SMAD3: variants seen among roughly 807,000 people sequenced by gnomAD.
SMAD3 encodes SMAD family member 3.
SMAD3 carries 12 observed loss-of-function variants against 51.8 expected under a neutral mutation model. The observed-to-expected ratio is 0.23, with a 90% CI of 0.15 to 0.38. The LOEUF (loss-of-function observed/expected upper bound fraction) is 0.38. Among genes scored for constraint, SMAD3 ranks in the 10% least tolerant of loss-of-function variants. SMAD3 has a pLI of 1.00. For missense variants in SMAD3, 294 were observed against 565.6 expected (o/e 0.52, Z 4.87); for synonymous variants, 238 against 227.7 (o/e 1.05, Z -0.41).
intron 5 of SMAD3, among the ~76,000 whole-genome samples, chr15:67,175,496 C>T (rs1324686283): frequency 2.6e-5 from 4 of 152,210 alleles, no homozygotes; most frequent in African/African-American, 9.7e-5. Flanking sequence ...CTCCTGTTGA[C>T]ATAGTTCTCC....
At chr15:67,102,181 A>C (rs1392004317) in intron 1 of SMAD3, among the ~76,000 whole-genome samples, 3 of 151,936 alleles carry the variant, frequency 2.0e-5, no homozygotes, top group African/African-American at 7.3e-5. Context: ...TAATTGACCC[A>C]GTGAATCCTT....
chr15:67,178,400 C>G (rs1962964137), intron 5 of SMAD3, among the ~76,000 whole-genome samples: 1 of 152,166 alleles, frequency 6.6e-6, no homozygotes, highest in African/African-American at 2.4e-5. Flanking sequence ...GGACCCTGTT[C>G]TGTTCTACAC....
chr15:67,178,028 T>C (rs1962953241), intron 5 of SMAD3, among the ~76,000 whole-genome samples: 2 of 152,220 alleles, frequency 1.3e-5, no homozygotes, highest in South Asian at 4.1e-4. Flanking sequence ...ACTGGCCTGA[T>C]TTCACTGCTC....
At chr15:67,180,391 G>A (rs911847242) in intron 5 of SMAD3, among the ~76,000 whole-genome samples, 1 of 151,968 alleles carries the variant, frequency 6.6e-6, no homozygotes, top group African/African-American at 2.4e-5. Context: ...GTGAGGAGAA[G>A]CTGCCATTTA....
chr15:67,130,849 T>G (rs919133871), intron 1 of SMAD3, among the ~76,000 whole-genome samples: 4 of 151,632 alleles, frequency 2.6e-5, no homozygotes, highest in Admixed American at 6.6e-5. Flanking sequence ...GGCAGACACT[T>G]TTAACCCTTC....
intron 1 of SMAD3, among the ~76,000 whole-genome samples, chr15:67,135,786 C>T (rs532478408): frequency 1.3e-5 from 2 of 152,168 alleles, no homozygotes; most frequent in South Asian, 2.1e-4. Flanking sequence ...GTGTTTTCAT[C>T]GTATTATAAA....
intron 1 of SMAD3, among the ~76,000 whole-genome samples, chr15:67,089,209 A>G (rs1242925950): frequency 6.6e-6 from 1 of 152,200 alleles, no homozygotes; most frequent in Non-Finnish European, 1.5e-5. Flanking sequence ...GGACACCCAG[A>G]AATCCCAGAT....
At chr15:67,166,984 G>T (rs943397291) in intron 4 of SMAD3, 131 bp downstream of exon 4, 22 of 780,100 alleles carry the variant, frequency 2.8e-5, no homozygotes, top group South Asian at 5.8e-5. Flanking sequence ...TAGAGCAACC[G>T]CGATGTGCAA....
In SMAD3 at chr15:67,066,363, G is replaced by T. The variant is rs1265081565; in HGVS notation, c.206+3G>T. ...ACCAAGTGCATCACCATCCCCAGGT[G>T]GGGGCCCGCCCGGGGGGGACCCGGG... On this transcript the variant is annotated splice_donor_region_variant and intron_variant, in intron 1 of 8. Transcript: ENST00000327367. 25 of 1,611,614 alleles carry T rather than the reference G, an allele frequency of 1.6e-5. No individual in the cohort carries two copies. The highest frequency in any genetic ancestry group is 2.1e-5 in the Non-Finnish European group (25 of 1,178,934).
intron 1 of SMAD3, among the ~76,000 whole-genome samples, chr15:67,124,367 C>T (rs1180977912): frequency 6.6e-6 from 1 of 152,018 alleles, no homozygotes; most frequent in Non-Finnish European, 1.5e-5. Flanking sequence ...TCCACCTCTG[C>T]AGTTTACACA....
chr15:67,125,818 T>C, intron 1 of SMAD3: 7 of 985,410 alleles, frequency 7.1e-6, no homozygotes, highest in Non-Finnish European at 8.4e-6. Context: ...GCACTGACCA[T>C]AAGAGCAACA....
chr15:67,111,086 A>G (rs1453908876), intron 1 of SMAD3, among the ~76,000 whole-genome samples: 1 of 152,224 alleles, frequency 6.6e-6, no homozygotes, highest in Non-Finnish European at 1.5e-5. Flanking sequence ...AACCATCATC[A>G]CTATCTAATT....
intron 1 of SMAD3, among the ~76,000 whole-genome samples, chr15:67,127,615 A>C (rs1282326992): frequency 6.6e-6 from 1 of 152,134 alleles, no homozygotes; most frequent in African/African-American, 2.4e-5. Flanking sequence ...TTGACCTTAC[A>C]TGTTCCGTGT....
chr15:67,078,029 C>G (rs931592230), intron 1 of SMAD3: 1 of 152,230 alleles, frequency 6.6e-6, no homozygotes, highest in Non-Finnish European at 1.5e-5. Context: ...GGTTTTCTGC[C>G]CGAGTTATCC....
chr15:67,106,800 C>T (rs1040909245), intron 1 of SMAD3, among the ~76,000 whole-genome samples: 1 of 152,190 alleles, frequency 6.6e-6, no homozygotes, highest in Non-Finnish European at 1.5e-5. Context: ...GGCATCAAAA[C>T]TTATCAGTCC....
intron 5 of SMAD3, 93 bp downstream of exon 5, chr15:67,170,697 C>T (rs1348191861): frequency 1.8e-6 from 2 of 1,082,970 alleles, no homozygotes; most frequent in Non-Finnish European, 2.8e-6. Context: ...AGGTAAGGCT[C>T]TCCCCCGACC....
intron 1 of SMAD3, chr15:67,142,926 G>T (rs1337355286): frequency 2.4e-6 from 1 of 418,768 alleles, no homozygotes; most frequent in South Asian, 1.7e-5. Flanking sequence ...TCACTCCTGG[G>T]TTGGAACATC....
At chr15:67,134,071 G>A (rs954616132) in intron 1 of SMAD3, among the ~76,000 whole-genome samples, 1 of 152,024 alleles carries the variant, frequency 6.6e-6, no homozygotes, top group Non-Finnish European at 1.5e-5. Context: ...GGATGATGTG[G>A]GCAGAGTCAC....
intron 5 of SMAD3, chr15:67,174,359 T>G (rs1354130577): frequency 6.6e-6 from 1 of 152,276 alleles, no homozygotes; most frequent in African/African-American, 2.4e-5. Flanking sequence ...CAGCTCAAGA[T>G]GGAAAGACAG....
Sources: allele counts gnomAD v4.1 joint callset (sites outside exome capture counted in the v4.1 genomes callset), GRCh38; gene constraint gnomAD v4.1.1; transcripts MANE v1.5; gene names NCBI Gene and HGNC (gene_info 2026-07-23, HGNC 2026-07-21).